The following EHBP1 variants were observed in gnomAD, a reference collection of about 807,000 sequenced individuals.
EHBP1 encodes EH domain binding protein 1.
Under a neutral mutation model 144.0 loss-of-function variants are expected in EHBP1, and 55 were observed. That is an observed-to-expected ratio of 0.38 (90% CI 0.31 to 0.48). The LOEUF is 0.48. EHBP1 is among the 20% of genes least tolerant of loss of function. The pLI is 0.98. For missense variants in EHBP1, 1,200 were observed against 1,364.2 expected (o/e 0.88, Z 1.90); for synonymous variants, 469 against 472.7 (o/e 0.99, Z 0.10).
At chr2:62,746,329 T>C (rs909846822) in intron 2 of EHBP1, among the ~76,000 whole-genome samples, 4 of 152,022 alleles carry the variant, frequency 2.6e-5, no homozygotes, top group African/African-American at 9.7e-5. Flanking sequence ...GATAGCAGTA[T>C]AGGTTTGTAG....
intron 10 of EHBP1, among the ~76,000 whole-genome samples, chr2:62,933,110 T>G (rs961141989): frequency 2.0e-5 from 3 of 151,742 alleles, no homozygotes; most frequent in Non-Finnish European, 4.4e-5. Flanking sequence ...CACTGAGAAG[T>G]TTTTAAATTT....
intron 3 of EHBP1, among the ~76,000 whole-genome samples, chr2:62,748,349 C>T (rs2039350362): frequency 6.6e-6 from 1 of 151,954 alleles, no homozygotes; most frequent in African/African-American, 2.4e-5. Context: ...AACAGTTCTA[C>T]AGATATTTAA....
chr2:62,864,623 C>T (rs2152813358), intron 8 of EHBP1, 108 bp from the exon 9 acceptor site: 1 of 1,067,690 alleles, frequency 9.4e-7, no homozygotes, highest in Admixed American at 2.6e-5. Context: ...TTTCTCAGCC[C>T]CATAGAGCTT....
intron 7 of EHBP1, among the ~76,000 whole-genome samples, chr2:62,832,970 C>T (rs2152668808): frequency 6.6e-6 from 1 of 152,234 alleles, no homozygotes; most frequent in East Asian, 1.9e-4. Context: ...TTGTGCCAAA[C>T]AGTTAAACAA....
intron 2 of EHBP1, among the ~76,000 whole-genome samples, chr2:62,730,050 T>C (rs1056093515): frequency 5.3e-5 from 8 of 152,202 alleles, no homozygotes; most frequent in African/African-American, 1.9e-4. Flanking sequence ...GTGTTATTTA[T>C]TGACTACTGT....
At chr2:63,044,712 C>G (rs1334521392) in intron 21 of EHBP1, 3 of 172,390 alleles carry the variant, frequency 1.7e-5, no homozygotes, top group African/African-American at 4.7e-5. Context: ...CTCATTTACC[C>G]ACTTCCCCCA....
At chr2:62,849,652 A>G (rs2048542337) in intron 7 of EHBP1, among the ~76,000 whole-genome samples, 1 of 152,234 alleles carries the variant, frequency 6.6e-6, no homozygotes, top group South Asian at 2.1e-4. Context: ...AATATTTTAT[A>G]TCCTCCTGCC....
chr2:63,006,244 G>A (rs772983182), intron 19 of EHBP1, among the ~76,000 whole-genome samples: 21 of 151,702 alleles, frequency 1.4e-4, no homozygotes, highest in Non-Finnish European at 2.4e-4. Context: ...GTGGTAAGTT[G>A]ATTTTTTTTT....
chr2:62,943,888 T>A lies in EHBP1; in HGVS notation c.1413+38T>A, dbSNP rs751968218. ...GAGCAAGAAAAATACGTAGTTTCAA[T>A]TTTGGCTTCTCTGCAGGTCTTTATT... On this transcript the variant is annotated intron_variant, in intron 12 of 22. Coordinates refer to ENST00000431489, the MANE Select transcript of EHBP1 (RefSeq NM_001142616.3). 3 of 1,520,468 alleles carry A rather than the reference T, an allele frequency of 2.0e-6. No homozygotes were observed. The African/African-American group carries it at 4.1e-5, about 21-fold the overall frequency. 94.2% of individuals were successfully genotyped at this position (1,520,468 alleles called of 1,614,324 possible). A position where few individuals can be genotyped will look rare whatever the true frequency, so the allele number is the denominator to read the frequency against.
intron 10 of EHBP1, among the ~76,000 whole-genome samples, chr2:62,933,927 C>CT (rs1449696243): frequency 6.6e-6 from 1 of 152,112 alleles, no homozygotes; most frequent in Non-Finnish European, 1.5e-5. Context: ...GTGCGTGTGT[C>CT]TAGTATTTCA....
chr2:62,996,941 A>T (rs1048028933), intron 19 of EHBP1, among the ~76,000 whole-genome samples, 175 bp downstream of exon 19: 5 of 152,068 alleles, frequency 3.3e-5, no homozygotes, highest in African/African-American at 9.7e-5. Context: ...GAGTGCCTTC[A>T]TGGGAAGTGA....
At chr2:62,835,241 C>G (rs969055396) in intron 7 of EHBP1, among the ~76,000 whole-genome samples, 1 of 152,102 alleles carries the variant, frequency 6.6e-6, no homozygotes, top group Non-Finnish European at 1.5e-5. Context: ...AACTGATATA[C>G]TTAAATGTAT....
intron 14 of EHBP1, among the ~76,000 whole-genome samples, chr2:62,973,742 G>A (rs2058591967): frequency 1.3e-5 from 2 of 152,088 alleles, no homozygotes; most frequent in South Asian, 4.1e-4. Flanking sequence ...GCTCATGCCT[G>A]TAATCCCTAC....
chr2:62,876,341 A>C (rs1290415246), intron 10 of EHBP1, among the ~76,000 whole-genome samples: 2 of 152,250 alleles, frequency 1.3e-5, no homozygotes, highest in African/African-American at 4.8e-5. Context: ...TCATAAAGAA[A>C]AGAAATTCCA....
intron 4 of EHBP1, among the ~76,000 whole-genome samples, chr2:62,764,679 A>G (rs1202687003): frequency 6.6e-6 from 1 of 152,050 alleles, no homozygotes; most frequent in Non-Finnish European, 1.5e-5. Flanking sequence ...CTGAGTCTTG[A>G]CCTTCATTTT....
chr2:62,899,003 A>G (rs983066454), intron 10 of EHBP1, among the ~76,000 whole-genome samples: 5 of 152,172 alleles, frequency 3.3e-5, no homozygotes, highest in African/African-American at 1.2e-4. Flanking sequence ...TGCCTGTTTA[A>G]GGGGCTGGTG....
intron 1 of EHBP1, among the ~76,000 whole-genome samples, chr2:62,680,437 A>G (rs928042157): frequency 6.6e-6 from 1 of 152,230 alleles, no homozygotes; most frequent in Non-Finnish European, 1.5e-5. Context: ...CTTATGACTT[A>G]AAACTTATCT....
chr2:63,030,710 C>G (rs1468837784), intron 19 of EHBP1, among the ~76,000 whole-genome samples: 2 of 146,022 alleles, frequency 1.4e-5, no homozygotes, highest in South Asian at 2.3e-4. Flanking sequence ...CCAGGGTGGT[C>G]TTGATTTTGT....
At chr2:62,979,577 T>G (rs958776039) in intron 15 of EHBP1, among the ~76,000 whole-genome samples, 5 of 152,234 alleles carry the variant, frequency 3.3e-5, no homozygotes, top group Non-Finnish European at 7.3e-5. Context: ...AATATGCTTT[T>G]GTAAAAAACT....
Sources: gnomAD v4.1 joint callset for allele counts (sites outside exome capture counted in the v4.1 genomes callset) on GRCh38, gnomAD v4.1.1 for gene constraint, MANE v1.5 for transcripts, NCBI Gene and HGNC (gene_info 2026-07-23, HGNC 2026-07-21) for gene names.